Variants in PDE1A observed in about 807,000 individuals in gnomAD.
PDE1A encodes the protein phosphodiesterase 1A, also known as dual specificity calcium/calmodulin-dependent 3',5'-cyclic nucleotide phosphodiesterase 1A.
In PDE1A, 35 loss-of-function variants were observed where a neutral mutation model predicts 61.7. The ratio of observed to expected loss-of-function variants is 0.57; its 90% confidence interval spans 0.43 to 0.75. PDE1A has a LOEUF of 0.75. PDE1A is among the 30% of genes least tolerant of loss of function. PDE1A has a pLI of 0.00. For missense variants in PDE1A, 597 were observed against 630.6 expected (o/e 0.95, Z 0.57); for synonymous variants, 232 against 213.2 (o/e 1.09, Z -0.77).
At chr2:182,346,871 C>T (rs969623061) in intron 1 of PDE1A, among the ~76,000 whole-genome samples, 9 of 152,158 alleles carry the variant, frequency 5.9e-5, no homozygotes, top group Admixed American at 2.0e-4. Context: ...TACCTGTCTA[C>T]ATCTAAGCCC....
intron 2 of PDE1A, among the ~76,000 whole-genome samples, chr2:182,463,174 G>C (rs1443643881): frequency 6.6e-6 from 1 of 152,048 alleles, no homozygotes; most frequent in Non-Finnish European, 1.5e-5. Flanking sequence ...AGGAGGCGGA[G>C]GTTGCAGTGA....
chr2:182,398,723 C>T (rs1003893511), intron 1 of PDE1A, among the ~76,000 whole-genome samples: 7 of 151,852 alleles, frequency 4.6e-5, no homozygotes, highest in Non-Finnish European at 8.8e-5. Context: ...AGGAGCATAC[C>T]GCTATCTTAA....
At chr2:182,368,272 T>C (rs1377097260) in intron 1 of PDE1A, among the ~76,000 whole-genome samples, 1 of 152,160 alleles carries the variant, frequency 6.6e-6, no homozygotes, top group Admixed American at 6.6e-5. Context: ...ATGGAGTTCA[T>C]GTTCAAATTT....
At chr2:182,289,279 C>A (rs1008613870) in intron 1 of PDE1A, among the ~76,000 whole-genome samples, 3 of 152,132 alleles carry the variant, frequency 2.0e-5, no homozygotes, top group Admixed American at 1.3e-4. Flanking sequence ...CCCTTTCTAG[C>A]TAAAGTTTTG....
chr2:182,641,391 TA>T, the PDE1A span, among the ~76,000 whole-genome samples: 2,132 of 152,292 alleles, frequency 0.014, 30 homozygotes, highest in Middle Eastern at 0.027. Flanking sequence ...TTGTCATAGT[TA>T]AGCTATTCCC....
At chr2:182,377,786 C>T (rs1268583847) in intron 1 of PDE1A, among the ~76,000 whole-genome samples, 2 of 151,940 alleles carry the variant, frequency 1.3e-5, no homozygotes, top group Non-Finnish European at 2.9e-5. Context: ...ATAAACCACA[C>T]GTCCACAAAT....
At chr2:182,220,265 T>C (rs1307923444) in intron 7 of PDE1A, among the ~76,000 whole-genome samples, 1 of 152,012 alleles carries the variant, frequency 6.6e-6, no homozygotes, top group Admixed American at 6.6e-5. Flanking sequence ...ATTGAAGAGA[T>C]GTTTCCCAAG....
intron 10 of PDE1A, among the ~76,000 whole-genome samples, chr2:182,198,490 G>C (rs1473150645): frequency 6.6e-6 from 1 of 151,702 alleles, no homozygotes; most frequent in Non-Finnish European, 1.5e-5. Flanking sequence ...ATAGACCTTT[G>C]ATCAGGTTGA....
chr2:182,593,745 G>C, the PDE1A span, among the ~76,000 whole-genome samples: 4 of 152,298 alleles, frequency 2.6e-5, no homozygotes, highest in East Asian at 7.7e-4. Flanking sequence ...ATGTCTTACA[G>C]GACAGGGACT....
chr2:182,217,479 G>A (rs1273919400), intron 7 of PDE1A, among the ~76,000 whole-genome samples: 1 of 129,450 alleles, frequency 7.7e-6, no homozygotes, highest in Non-Finnish European at 1.6e-5. Context: ...GAGTGAACAG[G>A]CAACCTACAA....
At chr2:182,655,131 A>G in the PDE1A span, among the ~76,000 whole-genome samples, 1 of 152,188 alleles carries the variant, frequency 6.6e-6, no homozygotes, top group Non-Finnish European at 1.5e-5. Context: ...TGTCTGCCTC[A>G]AGGTGCATTC....
chr2:182,638,055 A>T, the PDE1A span, among the ~76,000 whole-genome samples: 1 of 152,240 alleles, frequency 6.6e-6, no homozygotes, highest in Non-Finnish European at 1.5e-5. Flanking sequence ...GAAAAGAAAC[A>T]TTATCAAGGA....
chr2:182,562,272 T>G, the PDE1A span, among the ~76,000 whole-genome samples: 1 of 151,894 alleles, frequency 6.6e-6, no homozygotes, highest in Non-Finnish European at 1.5e-5. Flanking sequence ...GAAGGGTTGT[T>G]GAATTTTGTC....
rs73046073 is a variant in PDE1A, at chr2:182,235,510, T to G, written c.351-1012A>C. Among the ~76,000 whole-genome samples, 1,077 of 152,226 alleles carry G rather than the reference T, an allele frequency of 7.1e-3. 9 individuals are homozygous for G. The highest frequency in any genetic ancestry group is 0.024 in the African/African-American group (988 of 41,536). ...CTTCTGCTGGGCAACCCAAATAGCATAAACCAAATATAAGAACCCCCTCCA... is the reference window on the plus strand; with the variant it reads ...CTTCTGCTGGGCAACCCAAATAGCAGAAACCAAATATAAGAACCCCCTCCA... On this transcript the variant is annotated intron_variant, in intron 3 of 13. Coordinates refer to ENST00000351439, the Ensembl canonical transcript of PDE1A.
the PDE1A span, among the ~76,000 whole-genome samples, chr2:182,687,500 C>G: frequency 6.6e-6 from 1 of 152,166 alleles, no homozygotes; most frequent in African/African-American, 2.4e-5. Flanking sequence ...AACTAACAAA[C>G]AGAAAGGACA....
At chr2:182,280,544 C>A (rs1439102915) in intron 1 of PDE1A, among the ~76,000 whole-genome samples, 1 of 151,852 alleles carries the variant, frequency 6.6e-6, no homozygotes, top group Non-Finnish European at 1.5e-5. Flanking sequence ...ACAGAATATT[C>A]TAGATTGAAA....
At chr2:182,634,730 C>G in the PDE1A span, among the ~76,000 whole-genome samples, 18 of 152,272 alleles carry the variant, frequency 1.2e-4, no homozygotes, top group African/African-American at 4.3e-4. Flanking sequence ...AAATAAAGGT[C>G]TACAAGAGGA....
chr2:182,495,354 T>C (rs17265350), intron 2 of PDE1A, among the ~76,000 whole-genome samples: 41,026 of 152,052 alleles, frequency 0.27, 6,951 homozygotes, highest in Middle Eastern at 0.39. Flanking sequence ...AGAACCCATT[T>C]TGCACTCACT....
chr2:182,496,951 C>A (rs1368216656), intron 2 of PDE1A, among the ~76,000 whole-genome samples: 1 of 152,124 alleles, frequency 6.6e-6, no homozygotes, highest in Non-Finnish European at 1.5e-5. Flanking sequence ...CTGCACTGAA[C>A]CCTATATGAT....
Sources: allele counts gnomAD v4.1 joint callset (sites outside exome capture counted in the v4.1 genomes callset), GRCh38; gene constraint gnomAD v4.1.1; transcripts MANE v1.5; gene names NCBI Gene and HGNC (gene_info 2026-07-23, HGNC 2026-07-21).